Variants in DPP4 observed in about 807,000 individuals in gnomAD.
The protein encoded by DPP4 is dipeptidyl peptidase 4.
Under a neutral mutation model 122.4 loss-of-function variants are expected in DPP4, and 93 were observed. That is an observed-to-expected ratio of 0.76 (90% CI 0.64 to 0.90). The LOEUF is 0.90. Ranked by LOEUF, DPP4 falls within the 40% of genes least tolerant of loss-of-function variation. The probability of loss-of-function intolerance (pLI) is 0.00; values close to 1 mark genes in which losing one functional copy is unlikely to be tolerated. For synonymous variants in DPP4, 321 were observed against 302.9 expected (o/e 1.06, Z -0.62); for missense variants, 914 against 907.3 (o/e 1.01, Z -0.09).
intron 25 of DPP4, among the ~76,000 whole-genome samples, chr2:161,993,881 C>T (rs1211644816): frequency 3.3e-5 from 5 of 151,870 alleles, no homozygotes. Flanking sequence ...TATATAGCAC[C>T]TAGAAACTGG....
chr2:162,061,852 T>G (rs1285624593), intron 2 of DPP4, among the ~76,000 whole-genome samples: 1 of 152,094 alleles, frequency 6.6e-6, no homozygotes, highest in East Asian at 1.9e-4. Flanking sequence ...GGGGGAGACA[T>G]AGGAACAGAT....
In DPP4 at chr2:162,005,830, A is replaced by T. The variant is rs756364610; in HGVS notation, c.1988-21T>A. 5 of 1,597,344 alleles carry T rather than the reference A, an allele frequency of 3.1e-6. No individual in the cohort carries two copies. In the East Asian group the frequency reaches 1.1e-4, roughly 36 times the overall value. The stretch of plus-strand genomic sequence containing the variant: ...TGAGTCTGTGAAAGAAAAAAAAATA[A>T]AAAAAAGTTTAATTCATACAATAAC... On this transcript the variant is annotated intron_variant, in intron 22 of 25. Coordinates refer to ENST00000360534, the MANE Select transcript of DPP4 (RefSeq NM_001935.4).
intron 5 of DPP4, among the ~76,000 whole-genome samples, chr2:162,043,972 G>C (rs545078330): frequency 2.0e-4 from 30 of 152,208 alleles, no homozygotes; most frequent in African/African-American, 7.2e-4. Context: ...AGGCTGCAGT[G>C]AGCCATGATC....
chr2:162,005,645 G>T, intron 23 of DPP4, 100 bp downstream of exon 23: 1 of 1,072,588 alleles, frequency 9.3e-7, no homozygotes, highest in Non-Finnish European at 1.3e-6. Context: ...GAATTTTGTT[G>T]GAAATAAAAA....
At chr2:162,039,765 T>C (rs1683922274) in intron 5 of DPP4, among the ~76,000 whole-genome samples, 1 of 151,966 alleles carries the variant, frequency 6.6e-6, no homozygotes, top group Non-Finnish European at 1.5e-5. Flanking sequence ...TAAAATTTTT[T>C]TTTAAAAAGG....
chr2:162,020,531 CA>C (rs373538683), intron 13 of DPP4, 49 bp downstream of exon 13: 88,424 of 1,013,104 alleles, frequency 0.087, no homozygotes, highest in South Asian at 0.12. Flanking sequence ...AGTTGGTTTC[CA>C]AAAAAAAAAA....
At chr2:162,028,493 G>T (rs1469244563) in intron 10 of DPP4, among the ~76,000 whole-genome samples, 1 of 152,150 alleles carries the variant, frequency 6.6e-6, no homozygotes, top group African/African-American at 2.4e-5. Context: ...CTTTTATTCT[G>T]CAAAAACAGG....
chr2:162,045,864 G>T (rs1684155442), intron 4 of DPP4, among the ~76,000 whole-genome samples: 1 of 152,174 alleles, frequency 6.6e-6, no homozygotes, highest in African/African-American at 2.4e-5. Flanking sequence ...ATGAGGAAAA[G>T]AAAACTTTCT....
At chr2:162,002,630 A>G in intron 23 of DPP4, among the ~76,000 whole-genome samples, 2 of 152,106 alleles carry the variant, frequency 1.3e-5, no homozygotes, top group East Asian at 3.9e-4. Context: ...GTCTTTTCAA[A>G]AAGGATGTGA....
chr2:162,003,957 G>A (rs1701217691), intron 23 of DPP4, among the ~76,000 whole-genome samples: 1 of 152,132 alleles, frequency 6.6e-6, no homozygotes, highest in African/African-American at 2.4e-5. Flanking sequence ...CTATCAAAAG[G>A]GGATTCCAAA....
intron 11 of DPP4, among the ~76,000 whole-genome samples, chr2:162,024,211 T>TA (rs1683235626): frequency 2.0e-5 from 3 of 152,232 alleles, no homozygotes; most frequent in Admixed American, 6.5e-5. Flanking sequence ...AGAGGGACTT[T>TA]AACTTTGACC....
At chr2:162,045,657 A>G in intron 4 of DPP4, 45 bp from the exon 5 acceptor site, 6 of 1,403,408 alleles carry the variant, frequency 4.3e-6, no homozygotes, top group Non-Finnish European at 6.1e-6. Context: ...ATTCCATTTC[A>G]TTGCCATCAC....
chr2:162,069,063 T>C (rs1685034317), intron 2 of DPP4, among the ~76,000 whole-genome samples: 2 of 152,282 alleles, frequency 1.3e-5, no homozygotes, highest in Non-Finnish European at 2.9e-5. Flanking sequence ...AAATTCCTTA[T>C]ACACAGAAAC....
intron 23 of DPP4, among the ~76,000 whole-genome samples, chr2:161,996,734 T>C (rs1423398714): frequency 6.6e-6 from 1 of 152,324 alleles, no homozygotes; most frequent in East Asian, 1.9e-4. Flanking sequence ...ATTATAATTG[T>C]TCTATTTTAT....
At chr2:162,071,361 C>T (rs1367698396) in intron 2 of DPP4, among the ~76,000 whole-genome samples, 1 of 152,148 alleles carries the variant, frequency 6.6e-6, no homozygotes, top group African/African-American at 2.4e-5. Flanking sequence ...AGAAGTCTCT[C>T]CGCCGGGTGC....
chr2:162,024,030 G>A (rs1350935483), intron 11 of DPP4, among the ~76,000 whole-genome samples: 1 of 152,210 alleles, frequency 6.6e-6, no homozygotes, highest in African/African-American at 2.4e-5. Flanking sequence ...GTTATGTGAG[G>A]CTCCAGGTCT....
At chr2:162,009,143 A>AT (rs1162299948) in intron 21 of DPP4, 98 bp downstream of exon 21, 2 of 1,286,846 alleles carry the variant, frequency 1.6e-6, no homozygotes, top group Non-Finnish European at 2.3e-6. Flanking sequence ...GATAGATGTG[A>AT]TTTTCACCTC....
At position 162,013,475 on chromosome 2, in the gene DPP4, G is replaced by A. The variant is rs539854364; in HGVS notation, c.1637+921C>T. ...TTTTCATGAAACTGTGAATATAGTG[G>A]ATCAAAGCTGTGTCTGATACTAATA... On this transcript the variant is annotated intron_variant, in intron 19 of 25. Coordinates refer to ENST00000360534, the MANE Select transcript of DPP4 (RefSeq NM_001935.4). Among the ~76,000 whole-genome samples the A allele has an allele frequency of 3.3e-5, 5 of 152,056 alleles. No individual in the cohort carries two copies. In the South Asian group the frequency reaches 1.0e-3, roughly 32 times the overall value.
In DPP4 at chr2:162,046,922, C is replaced by T. The variant is rs544381314; in HGVS notation, c.278G>A (p.Ser93Asn). The T allele has an allele frequency of 9.1e-5, 144 of 1,575,304 alleles. 2 individuals are homozygous for T. The South Asian group carries it at 1.4e-3, about 16-fold the overall frequency. ...TTACGTGATTAAACATACAAATGTA[C>T]TGTTCTCCAAGAAAACTGAGCTGTT... ...YGNSSVFLEN[S>N]TFDEFGHSIN... is the part of the protein sequence containing the mutation. Residue 93 changes from serine to asparagine, a missense_variant, in exon 4 of 26, where the codon AGT becomes AAT. Ser to Asn is a conservative substitution (Grantham distance 46). Coordinates refer to ENST00000360534, the MANE Select transcript of DPP4 (RefSeq NM_001935.4).
Sources: allele counts gnomAD v4.1 joint callset (sites outside exome capture counted in the v4.1 genomes callset), GRCh38; gene constraint gnomAD v4.1.1; transcripts MANE v1.5; gene names NCBI Gene and HGNC (gene_info 2026-07-23, HGNC 2026-07-21).